Variants in MAGI1 observed in about 807,000 individuals in gnomAD.
MAGI1 encodes the protein membrane associated guanylate kinase, WW and PDZ domain containing 1.
MAGI1 carries 58 observed loss-of-function variants against 139.9 expected under a neutral mutation model. That is an observed-to-expected ratio of 0.41 (90% CI 0.34 to 0.52). The LOEUF (loss-of-function observed/expected upper bound fraction) is 0.52, where lower values mean the gene tolerates loss of function less well. MAGI1 is among the 20% of genes least tolerant of loss of function. The pLI, the probability that MAGI1 is intolerant of heterozygous loss-of-function variation, is 0.12. For synonymous variants in MAGI1, 812 were observed against 737.9 expected (o/e 1.10, Z -1.63); for missense variants, 1,874 against 1,901.6 (o/e 0.99, Z 0.27).
At position 65,597,883 on chromosome 3, in the gene MAGI1, G is replaced by A. The variant is rs201804252; in HGVS notation, c.430+24089C>T. Reference sequence around the variant, plus strand: ...TGAGCCTGAAACCGCCTCCCACCACGCTGGTCCTTGGCTCTGCAGCGGCTG... The same window carrying A: ...TGAGCCTGAAACCGCCTCCCACCACACTGGTCCTTGGCTCTGCAGCGGCTG... On this transcript the variant is annotated intron_variant, in intron 2 of 22. Transcript: ENST00000402939. The A allele has an allele frequency of 1.2e-3, 546 of 450,104 alleles. 9 individuals carry two copies. The highest frequency in any genetic ancestry group is 5.5e-4 in the Admixed American group (23 of 41,876). 27.9% of individuals were successfully genotyped at this position (450,104 alleles called of 1,614,324 possible).
At chr3:65,461,768 G>A (rs1030379693) in intron 5 of MAGI1, among the ~76,000 whole-genome samples, 8 of 152,158 alleles carry the variant, frequency 5.3e-5, no homozygotes, top group African/African-American at 1.4e-4. Flanking sequence ...GAATACAGGC[G>A]TGAGCCACCA....
chr3:66,009,227 A>C (rs2067192949), intron 1 of MAGI1: 1 of 152,262 alleles, frequency 6.6e-6, no homozygotes, highest in Non-Finnish European at 1.5e-5. Context: ...AAAAATAAAG[A>C]ATATCCGGCC....
chr3:65,729,134 G>T (rs879274008), intron 1 of MAGI1, among the ~76,000 whole-genome samples: 4 of 90,112 alleles, frequency 4.4e-5, no homozygotes, highest in East Asian at 5.2e-4. Flanking sequence ...GGGGGGGGGG[G>T]GGATGATATT....
chr3:65,965,671 C>A (rs893240582), intron 1 of MAGI1, among the ~76,000 whole-genome samples: 1 of 147,852 alleles, frequency 6.8e-6, no homozygotes, highest in African/African-American at 2.5e-5. Context: ...TTTTTTTTTT[C>A]TTTTTGGTTT....
chr3:65,600,080 A>G (rs2082409177), intron 2 of MAGI1, among the ~76,000 whole-genome samples: 1 of 152,242 alleles, frequency 6.6e-6, no homozygotes, highest in Non-Finnish European at 1.5e-5. Flanking sequence ...AAAAGCAGAT[A>G]CTACATAAAA....
At chr3:65,614,596 C>T (rs1483187579) in intron 2 of MAGI1, among the ~76,000 whole-genome samples, 1 of 151,952 alleles carries the variant, frequency 6.6e-6, no homozygotes, top group Non-Finnish European at 1.5e-5. Flanking sequence ...AATTAGAAAG[C>T]ATGGTATCAG....
intron 6 of MAGI1, chr3:65,452,993 G>A (rs894241510): frequency 5.2e-5 from 19 of 364,096 alleles, no homozygotes; most frequent in African/African-American, 2.6e-4. Context: ...GACAGAGGAC[G>A]TATCTTCATT....
intron 1 of MAGI1, among the ~76,000 whole-genome samples, chr3:65,652,939 T>C (rs1024978645): frequency 1.3e-5 from 2 of 152,128 alleles, no homozygotes; most frequent in Admixed American, 6.6e-5. Context: ...CCTAAGTTAC[T>C]ATCAAAAATA....
intron 21 of MAGI1, among the ~76,000 whole-genome samples, chr3:65,362,501 C>G (rs987060580): frequency 6.6e-6 from 1 of 152,094 alleles, no homozygotes; most frequent in Non-Finnish European, 1.5e-5. Flanking sequence ...AACTGGTATA[C>G]TGTTTGGCCC....
At chr3:65,867,296 T>A (rs969285062) in intron 1 of MAGI1, among the ~76,000 whole-genome samples, 9 of 152,202 alleles carry the variant, frequency 5.9e-5, no homozygotes, top group African/African-American at 1.4e-4. Context: ...GACGAAGATA[T>A]GCTATCGTCA....
rs543408773 is a variant in MAGI1 at position 65,791,286 on chromosome 3, G to A, written c.314-169198C>T. Among the ~76,000 whole-genome samples, 7 of 152,240 alleles carry A rather than the reference G, an allele frequency of 4.6e-5. No homozygotes were observed. The South Asian group carries it at 8.3e-4, about 18-fold the overall frequency. ...CGAAGCTGAAAAACCCAAGAGGGGCGCATCAGACAATGAAGACACAAATTC... is the reference window on the plus strand; with the variant it reads ...CGAAGCTGAAAAACCCAAGAGGGGCACATCAGACAATGAAGACACAAATTC... On this transcript the variant is annotated intron_variant, in intron 1 of 22. Transcript: ENST00000402939.
chr3:65,526,589 C>T (rs749087998), intron 2 of MAGI1, among the ~76,000 whole-genome samples: 4 of 152,188 alleles, frequency 2.6e-5, no homozygotes, highest in Non-Finnish European at 5.9e-5. Flanking sequence ...ACCTTAATAA[C>T]ACATTGGACA....
chr3:65,711,290 A>G (rs1412885352), intron 1 of MAGI1, among the ~76,000 whole-genome samples: 1 of 152,254 alleles, frequency 6.6e-6, no homozygotes, highest in Admixed American at 6.5e-5. Context: ...AGAGAAGGAC[A>G]TTCAGAGGAA....
chr3:65,819,484 G>A (rs1005809382), intron 1 of MAGI1, among the ~76,000 whole-genome samples: 6 of 152,000 alleles, frequency 3.9e-5, no homozygotes, highest in Non-Finnish European at 5.9e-5. Context: ...GGACAGTTAG[G>A]GCTAGAGAGA....
chr3:65,866,296 C>T (rs1204055243), intron 1 of MAGI1, among the ~76,000 whole-genome samples: 1 of 149,544 alleles, frequency 6.7e-6, no homozygotes, highest in Non-Finnish European at 1.5e-5. Flanking sequence ...TCACTGCATC[C>T]TCAACCTCCT....
At position 65,860,172 on chromosome 3, in the gene MAGI1, A is replaced by C. The variant is rs551500435; in HGVS notation, c.313+177824T>G. On this transcript the variant is annotated intron_variant, in intron 1 of 22. Transcript: ENST00000402939. ...AGGCCTCCCAAAGTGTTGGGATTAC[A>C]GGTGTCAGCCACCGCATCCAGCCTA... is the stretch of plus-strand genomic sequence containing the variant. Among the ~76,000 whole-genome samples the C allele has an allele frequency of 1.2e-4, 18 of 145,472 alleles. No homozygotes were observed. In the East Asian group the frequency reaches 3.3e-3, roughly 27 times the overall value.
intron 1 of MAGI1, among the ~76,000 whole-genome samples, chr3:65,926,205 TTG>T (rs2062495130): frequency 6.6e-6 from 1 of 152,248 alleles, no homozygotes; most frequent in Non-Finnish European, 1.5e-5. Flanking sequence ...TATTACATTA[TTG>T]TGTGTTATCA....
chr3:65,689,694 T>G (rs1037186748), intron 1 of MAGI1, among the ~76,000 whole-genome samples: 13 of 152,198 alleles, frequency 8.5e-5, no homozygotes, highest in African/African-American at 2.9e-4. Context: ...CTTCCCACAG[T>G]GAAATGTCAG....
intron 1 of MAGI1, among the ~76,000 whole-genome samples, chr3:65,835,438 A>C (rs114982001): frequency 0.028 from 4,243 of 152,326 alleles, 102 homozygotes; most frequent in Middle Eastern, 0.044. Flanking sequence ...CCAGCAAGTT[A>C]ACTTGTATCA....
Sources: gnomAD v4.1 joint callset for allele counts (sites outside exome capture counted in the v4.1 genomes callset) on GRCh38, gnomAD v4.1.1 for gene constraint, MANE v1.5 for transcripts, NCBI Gene and HGNC (gene_info 2026-07-23, HGNC 2026-07-21) for gene names.